Variants in ANKRD11 observed in about 807,000 individuals in gnomAD.
ANKRD11 encodes ankyrin repeat domain-containing protein 11.
Under a neutral mutation model 195.7 loss-of-function variants are expected in ANKRD11, and 17 were observed. That is an observed-to-expected ratio of 0.09 (90% CI 0.06 to 0.13). The LOEUF (loss-of-function observed/expected upper bound fraction) is 0.13. Among genes scored for constraint, ANKRD11 ranks in the 10% least tolerant of loss-of-function variants. The pLI, the probability that ANKRD11 is intolerant of heterozygous loss-of-function variation, is 1.00. For missense variants in ANKRD11, 3,735 were observed against 3,566.1 expected (o/e 1.05, Z -1.21); for synonymous variants, 1,953 against 1,528.1 (o/e 1.28, Z -6.49).
chr16:89,469,681 G>T (rs1008035493), intron 1 of ANKRD11, among the ~76,000 whole-genome samples: 1 of 150,342 alleles, frequency 6.7e-6, no homozygotes, highest in East Asian at 2.1e-4. Context: ...GGCGGATCAC[G>T]AGGTCAGGAG....
At chr16:89,366,391 A>G (rs1034370833) in intron 2 of ANKRD11, among the ~76,000 whole-genome samples, 5 of 152,190 alleles carry the variant, frequency 3.3e-5, no homozygotes, top group African/African-American at 1.2e-4. Context: ...TTTAGCTCTT[A>G]GAGGAATCGC....
chr16:89,276,922 G>A (rs994207396), intron 9 of ANKRD11, among the ~76,000 whole-genome samples: 1 of 152,080 alleles, frequency 6.6e-6, no homozygotes, highest in Non-Finnish European at 1.5e-5. Flanking sequence ...CGGACGTGGT[G>A]GTGGGCGCCT....
intron 1 of ANKRD11, among the ~76,000 whole-genome samples, chr16:89,437,187 G>A (rs886907529): frequency 1.3e-5 from 2 of 152,142 alleles, no homozygotes; most frequent in African/African-American, 2.4e-5. Flanking sequence ...CTTCTAACCT[G>A]GAAATGGAGA....
intron 1 of ANKRD11, among the ~76,000 whole-genome samples, chr16:89,488,233 G>C (rs1025868164): frequency 6.6e-6 from 1 of 152,126 alleles, no homozygotes; most frequent in Non-Finnish European, 1.5e-5. Context: ...GAGGCATCAC[G>C]AAGAACAGAG....
chr16:89,279,401 C>G lies in ANKRD11; in HGVS notation c.7141G>C (p.Ala2381Pro). The G allele has an allele frequency of 1.3e-6, 2 of 1,548,548 alleles. No individual in the cohort carries two copies. Among genetic ancestry groups the G allele is most frequent in the Non-Finnish European group, 1.7e-6 (2 of 1,150,564 alleles). The change falls in exon 9 of 13, where the codon GCC becomes CCC. Residue 2381 changes from alanine to proline, a missense_variant. Coordinates refer to ENST00000301030, the MANE Select transcript of ANKRD11 (RefSeq NM_013275.6). This position sits in a 1 kb window ranked among gnomAD's most constrained non-coding sequence, Gnocchi z 5.6. ...AAGCGGCGTTTGCGCGGATGCTGGG[C>G]CTGGGCGTCGTCGTCCTCGGAGCCG... ...ARGSEDDDAQ[A>P]QHPRKRRFQR...
intron 1 of ANKRD11, among the ~76,000 whole-genome samples, chr16:89,450,910 A>G (rs1257971204): frequency 6.6e-6 from 1 of 152,156 alleles, no homozygotes; most frequent in Admixed American, 6.6e-5. Flanking sequence ...ACGTGGCCCA[A>G]TCCTGGTTTC....
At chr16:89,487,748 T>A (rs760068899) in intron 1 of ANKRD11, among the ~76,000 whole-genome samples, 12 of 152,126 alleles carry the variant, frequency 7.9e-5, no homozygotes, top group Non-Finnish European at 1.5e-4. Flanking sequence ...CACTCCAGCC[T>A]GGGCGACAGA....
chr16:89,324,983 G>A (rs543327702), intron 2 of ANKRD11: 1 of 163,158 alleles, frequency 6.1e-6, no homozygotes, highest in South Asian at 1.6e-4. Flanking sequence ...CTGGTGAAGG[G>A]GTGGAGCAAA....
At chr16:89,318,296 C>T (rs1228122872) in intron 2 of ANKRD11, among the ~76,000 whole-genome samples, 1 of 152,242 alleles carries the variant, frequency 6.6e-6, no homozygotes, top group Non-Finnish European at 1.5e-5. Context: ...CACAGCCAGG[C>T]CTCCCGGGTG....
At chr16:89,430,688 C>T (rs2042940982) in intron 1 of ANKRD11, among the ~76,000 whole-genome samples, 1 of 152,194 alleles carries the variant, frequency 6.6e-6, no homozygotes, top group African/African-American at 2.4e-5. Flanking sequence ...AGGCTCTGTC[C>T]CCGCCCAGCA....
intron 2 of ANKRD11, chr16:89,323,785 C>A: frequency 4.0e-6 from 1 of 252,074 alleles, no homozygotes; most frequent in South Asian, 4.3e-5. Flanking sequence ...AGCTCTCTCT[C>A]CTTCCCCTCC....
chr16:89,282,872 C>T lies in ANKRD11; in HGVS notation c.3670G>A (p.Ala1224Thr), dbSNP rs762090270. The T allele has an allele frequency of 9.3e-6, 15 of 1,612,732 alleles. No homozygotes were observed. In the Admixed American group the frequency reaches 2.5e-4, roughly 27 times the overall value. The change falls in exon 9 of 13, where the codon GCC (alanine) becomes ACC (threonine). Residue 1224 changes from alanine to threonine, a missense_variant. By Grantham distance (58) the Ala-to-Thr change is moderately conservative. Transcript: ENST00000301030. ...TEKYKDRKDR[A>T]SVDSTQDKKN... ...TTATCTTGCGTGGAGTCCACTGAGG[C>T]TCTGTCCTTCCTGTCCTTGTACTTT...
At chr16:89,336,111 G>C (rs2038340102) in intron 2 of ANKRD11, among the ~76,000 whole-genome samples, 1 of 152,242 alleles carries the variant, frequency 6.6e-6, no homozygotes, top group Admixed American at 6.5e-5. Context: ...ATCGTTTTCA[G>C]CCACACGGTT....
At chr16:89,302,089 T>C (rs2035891506) in intron 4 of ANKRD11, among the ~76,000 whole-genome samples, 1 of 152,148 alleles carries the variant, frequency 6.6e-6, no homozygotes, top group South Asian at 2.1e-4. Flanking sequence ...TGCACCAATG[T>C]TTCTCTTCTC....
rs575619600 is a variant in ANKRD11, at chr16:89,360,981, C to G, written c.-59-43903G>C. On this transcript the variant is annotated intron_variant, in intron 2 of 12. Transcript: ENST00000301030. ...ATCAGGTGAGAGGCTCCTTGTCTCTCACATCCAGATGGATCCGATCCAACT... is the reference window on the plus strand; with the variant it reads ...ATCAGGTGAGAGGCTCCTTGTCTCTGACATCCAGATGGATCCGATCCAACT... Among the ~76,000 whole-genome samples, 49 of 152,320 alleles carry G rather than the reference C, an allele frequency of 3.2e-4. No homozygotes were observed. In the South Asian group the frequency reaches 1.0e-2, roughly 31 times the overall value.
At chr16:89,485,445 G>C (rs1392943247) in intron 1 of ANKRD11, among the ~76,000 whole-genome samples, 1 of 151,986 alleles carries the variant, frequency 6.6e-6, no homozygotes, top group Non-Finnish European at 1.5e-5. Flanking sequence ...TATGACCCAA[G>C]ATCGTGCCAC....
At chr16:89,305,123 G>A in intron 4 of ANKRD11, 83 bp downstream of exon 4, 1 of 1,563,908 alleles carries the variant, frequency 6.4e-7, no homozygotes, top group Non-Finnish European at 8.6e-7. Context: ...AAAGCCGGAG[G>A]TGCGGGGGCC....
At chr16:89,286,002 C>T in intron 8 of ANKRD11, 37 bp downstream of exon 8, 1 of 1,613,914 alleles carries the variant, frequency 6.2e-7, no homozygotes, top group Non-Finnish European at 8.5e-7. Context: ...ACCATCCCTG[C>T]ATAAAAGAAC....
At chr16:89,469,792 G>A (rs567138729) in intron 1 of ANKRD11, among the ~76,000 whole-genome samples, 163 of 110,992 alleles carry the variant, frequency 1.5e-3, no homozygotes, top group Middle Eastern at 5.3e-3. Context: ...CCAGCTACTC[G>A]GGAGGCTGAG....
Sources: gnomAD v4.1 joint callset for allele counts (sites outside exome capture counted in the v4.1 genomes callset) on GRCh38, gnomAD v4.1.1 for gene constraint, Gnocchi (gnomAD v3.1) non-coding constraint, MANE v1.5 for transcripts, NCBI Gene and HGNC (gene_info 2026-07-23, HGNC 2026-07-21) for gene names.